Variants in LRRC7 observed in about 807,000 individuals in gnomAD.
LRRC7 encodes leucine-rich repeat-containing protein 7.
LRRC7 carries 23 observed loss-of-function variants against 175.7 expected under a neutral mutation model. The observed-to-expected ratio is 0.13, with a 90% CI of 0.09 to 0.19. The LOEUF (loss-of-function observed/expected upper bound fraction) is 0.19, where lower values mean the gene tolerates loss of function less well. Ranked by LOEUF, LRRC7 falls within the 10% of genes least tolerant of loss-of-function variation. LRRC7 has a pLI of 1.00. For missense variants in LRRC7, 1,354 were observed against 1,904.7 expected, an observed-to-expected ratio of 0.71 and a Z score of 5.38; for synonymous variants, 685 against 680.9, an observed-to-expected ratio of 1.01 and a Z score of -0.09.
intron 7 of LRRC7, among the ~76,000 whole-genome samples, chr1:69,924,636 TG>T (rs1440240959): frequency 6.6e-6 from 1 of 152,220 alleles, no homozygotes; most frequent in African/African-American, 2.4e-5. Context: ...TTGTGATTTT[TG>T]TACATTGATT....
At chr1:69,954,689 A>T (rs534898235) in intron 8 of LRRC7, among the ~76,000 whole-genome samples, 1 of 152,192 alleles carries the variant, frequency 6.6e-6, no homozygotes, top group Admixed American at 6.6e-5. Context: ...AACCACAATA[A>T]TTATAAAGAA....
chr1:69,964,542 A>G (rs1651471060), intron 8 of LRRC7, among the ~76,000 whole-genome samples: 1 of 152,158 alleles, frequency 6.6e-6, no homozygotes, highest in Admixed American at 6.5e-5. Context: ...ACCCAATAGA[A>G]GTTAGATTTT....
At chr1:69,628,260 T>C (rs1403613039) in intron 1 of LRRC7, among the ~76,000 whole-genome samples, 3 of 152,170 alleles carry the variant, frequency 2.0e-5, no homozygotes, top group Non-Finnish European at 4.4e-5. Context: ...AAAATTCTTT[T>C]GGAATAAGTG....
chr1:69,922,072 C>A (rs1646906281), intron 7 of LRRC7, among the ~76,000 whole-genome samples: 1 of 150,636 alleles, frequency 6.6e-6, no homozygotes, highest in Non-Finnish European at 1.5e-5. Flanking sequence ...ATTATAGGCA[C>A]CTGCCATCAT....
chr1:69,776,575 G>C (rs1049800618), intron 3 of LRRC7, among the ~76,000 whole-genome samples: 2 of 152,172 alleles, frequency 1.3e-5, no homozygotes, highest in South Asian at 2.1e-4. Context: ...ACAGCACTAA[G>C]AGAGTTAAGA....
rs12089390 is a variant in LRRC7 at position 69,715,560 on chromosome 1, T to C, written c.100+37082T>C. On this transcript the variant is annotated intron_variant, in intron 2 of 26. Coordinates refer to ENST00000651989, the MANE Select transcript of LRRC7 (RefSeq NM_001370785.2). ...ATTTTGGGCTCAATTATTTTAGTTA[T>C]AATGTACTGAATACATTAAGCTATG... Among the ~76,000 whole-genome samples the C allele has an allele frequency of 9.0e-3, 1,372 of 152,150 alleles. 25 individuals are homozygous for C. The highest frequency in any genetic ancestry group is 0.032 in the African/African-American group (1,336 of 41,542).
At chr1:69,973,053 CTATATA>C (rs1466981435) in intron 8 of LRRC7, among the ~76,000 whole-genome samples, 1 of 140,952 alleles carries the variant, frequency 7.1e-6, no homozygotes, top group Non-Finnish European at 1.5e-5. Flanking sequence ...ATATATAATA[CTATATA>C]TATAAAGTAC....
At chr1:70,084,728 A>G (rs1163302522) in intron 24 of LRRC7, among the ~76,000 whole-genome samples, 2 of 152,266 alleles carry the variant, frequency 1.3e-5, no homozygotes, top group South Asian at 4.1e-4. Flanking sequence ...GGAACTGCCA[A>G]ATTCTTTTCT....
At chr1:69,994,008 G>A (rs998300925) in intron 10 of LRRC7, among the ~76,000 whole-genome samples, 4 of 152,098 alleles carry the variant, frequency 2.6e-5, no homozygotes, top group Admixed American at 2.0e-4. Context: ...CTAAGTTTTT[G>A]TGCTTATTGC....
intron 23 of LRRC7, among the ~76,000 whole-genome samples, chr1:70,059,488 T>C (rs1226386918): frequency 6.6e-6 from 1 of 151,212 alleles, no homozygotes; most frequent in Admixed American, 6.6e-5. Flanking sequence ...TGTGTGTGTG[T>C]GTGTGTGTGT....
At chr1:69,663,633 T>G (rs1187201181) in intron 1 of LRRC7, among the ~76,000 whole-genome samples, 1 of 147,490 alleles carries the variant, frequency 6.8e-6, no homozygotes, top group East Asian at 2.1e-4. Context: ...CCCTACACCC[T>G]CACTACCCAG....
At chr1:69,947,149 A>C (rs561722021) in intron 8 of LRRC7, among the ~76,000 whole-genome samples, 45 of 150,518 alleles carry the variant, frequency 3.0e-4, no homozygotes, top group African/African-American at 6.7e-4. Context: ...ATAAATAAAT[A>C]AATCTAAAGT....
intron 8 of LRRC7, among the ~76,000 whole-genome samples, chr1:69,965,657 G>T (rs1046542922): frequency 3.3e-5 from 5 of 151,776 alleles, no homozygotes; most frequent in African/African-American, 1.2e-4. Context: ...AATGTGATGG[G>T]CTTCTGAAAT....
At chr1:70,073,600 G>C (rs896330031) in intron 23 of LRRC7, among the ~76,000 whole-genome samples, 2 of 152,190 alleles carry the variant, frequency 1.3e-5, no homozygotes, top group African/African-American at 4.8e-5. Context: ...TTCTCATGTA[G>C]ATTATATTTC....
intron 7 of LRRC7, among the ~76,000 whole-genome samples, chr1:69,925,333 T>C (rs1473811889): frequency 6.6e-6 from 1 of 152,096 alleles, no homozygotes; most frequent in Non-Finnish European, 1.5e-5. Flanking sequence ...TTAGGGAGGA[T>C]TCCTTCTTTT....
At chr1:70,121,684 T>A in intron 26 of LRRC7, 96 bp from the exon 27 acceptor site, 1 of 753,902 alleles carries the variant, frequency 1.3e-6, no homozygotes, top group East Asian at 2.7e-5. Context: ...TGACAACTTT[T>A]TGTTGCTCAG....
intron 14 of LRRC7, among the ~76,000 whole-genome samples, chr1:70,017,733 C>T (rs1040967946): frequency 6.6e-6 from 1 of 152,048 alleles, no homozygotes; most frequent in Non-Finnish European, 1.5e-5. Context: ...ACAGTAATTA[C>T]AGCATTTGCT....
chr1:69,624,499 G>T (rs965886348), intron 1 of LRRC7, among the ~76,000 whole-genome samples: 2 of 151,830 alleles, frequency 1.3e-5, no homozygotes, highest in Non-Finnish European at 2.9e-5. Flanking sequence ...ACGAGCAGAA[G>T]GGTTAAATTT....
intron 1 of LRRC7, among the ~76,000 whole-genome samples, chr1:69,609,048 G>A (rs1648271408): frequency 6.6e-6 from 1 of 151,428 alleles, no homozygotes; most frequent in Admixed American, 6.6e-5. Flanking sequence ...TCCAGATAAT[G>A]GGATATTTGA....
Sources: gnomAD v4.1 joint callset for allele counts (sites outside exome capture counted in the v4.1 genomes callset) on GRCh38, gnomAD v4.1.1 for gene constraint, MANE v1.5 for transcripts, NCBI Gene and HGNC (gene_info 2026-07-23, HGNC 2026-07-21) for gene names.